NDRG2: variants seen among roughly 807,000 people sequenced by gnomAD.
The protein encoded by NDRG2 is protein NDRG2.
NDRG2 carries 34 observed loss-of-function variants against 58.2 expected under a neutral mutation model. That is an observed-to-expected ratio of 0.58 (90% confidence interval 0.44 to 0.78). NDRG2 has a LOEUF of 0.78. Among genes scored for constraint, NDRG2 ranks in the 30% least tolerant of loss-of-function variants. The pLI, the probability that NDRG2 is intolerant of heterozygous loss-of-function variation, is 0.00. For synonymous variants in NDRG2, 187 were observed against 175.9 expected, an observed-to-expected ratio of 1.06 and a Z score of -0.50; for missense variants, 434 against 471.2, an observed-to-expected ratio of 0.92 and a Z score of 0.73.
At chr14:21,035,667 A>C (rs1222908630) in intron 1 of NDRG2, 8 of 424,326 alleles carry the variant, frequency 1.9e-5, no homozygotes, top group South Asian at 1.2e-4. Context: ...GTAAGGCCGC[A>C]GAGAGAAAGA....
At chr14:21,062,424 T>C (rs1411790536) in intron 1 of NDRG2, among the ~76,000 whole-genome samples, 11 of 152,182 alleles carry the variant, frequency 7.2e-5, no homozygotes, top group Non-Finnish European at 1.3e-4. Flanking sequence ...AGCATTCTCC[T>C]CCCTCTGCAC....
chr14:21,062,485 T>C (rs528053947), intron 1 of NDRG2, among the ~76,000 whole-genome samples: 2 of 152,240 alleles, frequency 1.3e-5, no homozygotes, highest in South Asian at 4.2e-4. Context: ...GGGAGTATTA[T>C]ATCCTAGAAA....
intron 8 of NDRG2, chr14:21,020,293 CA>C (rs11325826): frequency 0.4 from 154,228 of 385,996 alleles, 9,555 homozygotes; most frequent in African/African-American, 0.48. Flanking sequence ...GACACCATCT[CA>C]AAAAAAAAAA....
chr14:21,054,983 G>T (rs75408695), intron 1 of NDRG2, among the ~76,000 whole-genome samples: 1 of 151,994 alleles, frequency 6.6e-6, no homozygotes, highest in East Asian at 1.9e-4. Context: ...TAAGCAATGC[G>T]GTGTATGTTA....
At chr14:21,063,783 A>C (rs980045819) in intron 1 of NDRG2, among the ~76,000 whole-genome samples, 3 of 152,214 alleles carry the variant, frequency 2.0e-5, no homozygotes, top group Non-Finnish European at 4.4e-5. Flanking sequence ...GGGGTAGGAA[A>C]ATGTACAGAT....
intron 1 of NDRG2, among the ~76,000 whole-genome samples, chr14:21,056,362 T>G (rs1296346799): frequency 6.6e-6 from 1 of 152,228 alleles, no homozygotes; most frequent in Non-Finnish European, 1.5e-5. Flanking sequence ...TCTTTTACAA[T>G]GAAACTGAGT....
At chr14:21,019,557 TCTC>T (rs1438257937) in intron 10 of NDRG2, 79 bp downstream of exon 10, 5 of 909,760 alleles carry the variant, frequency 5.5e-6, no homozygotes, top group African/African-American at 3.3e-5. Flanking sequence ...CAGACTTCCC[TCTC>T]CTCCTCTGTG....
intron 1 of NDRG2, among the ~76,000 whole-genome samples, chr14:21,054,916 T>C (rs566146639): frequency 5.2e-4 from 79 of 152,194 alleles, no homozygotes; most frequent in South Asian, 1.5e-3. Context: ...TAAATGATGC[T>C]TGGTAGCATC....
chr14:21,017,564 G>A lies in NDRG2; in HGVS notation c.*32C>T. The A allele has an allele frequency of 2.5e-6, 4 of 1,602,334 alleles. No individual in the cohort carries two copies. Among genetic ancestry groups the A allele is most frequent in the Non-Finnish European group, 3.4e-6 (4 of 1,174,060 alleles). On this transcript the variant is annotated 3_prime_UTR_variant, in exon 16 of 16. Coordinates refer to ENST00000556147, the MANE Select transcript of NDRG2 (RefSeq NM_001320329.2). ...CAGGTTAGCTCTGGGGGAGGTGAGGGCTGGGTCCCACTCTAGGGCAACAAG... is the reference window on the plus strand; with the variant it reads ...CAGGTTAGCTCTGGGGGAGGTGAGGACTGGGTCCCACTCTAGGGCAACAAG...
At chr14:21,033,567 C>G (rs562724615) in intron 1 of NDRG2, 1 of 540,524 alleles carries the variant, frequency 1.9e-6, no homozygotes, top group Non-Finnish European at 3.3e-6. Context: ...GTGGGTTTTA[C>G]TGTCTCTGGG....
intron 1 of NDRG2, chr14:21,032,890 G>T (rs1952525): frequency 0.35 from 156,696 of 452,496 alleles, 28,242 homozygotes; most frequent in East Asian, 0.53. Flanking sequence ...TACAGAGGGG[G>T]CTCGTGTGCC....
At chr14:21,028,635 G>A (rs1454479920), upstream of NDRG2, 3 of 152,094 alleles carry the variant, frequency 2.0e-5, no homozygotes, top group Non-Finnish European at 4.4e-5. Flanking sequence ...AGTATATCTT[G>A]AGCCACAGAA....
upstream of NDRG2, among the ~76,000 whole-genome samples, chr14:21,027,080 G>T (rs1883732625): frequency 6.6e-6 from 1 of 152,116 alleles, no homozygotes; most frequent in Non-Finnish European, 1.5e-5. Flanking sequence ...CCTGATAAGG[G>T]GCCTACGCAG....
intron 1 of NDRG2, among the ~76,000 whole-genome samples, chr14:21,066,749 T>C (rs2319624): frequency 0.84 from 127,695 of 152,238 alleles, 53,874 homozygotes; most frequent in African/African-American, 0.9. Context: ...ACAGGCAAGA[T>C]GCTGGTGGTA....
intron 14 of NDRG2, 31 bp downstream of exon 14, chr14:21,018,173 T>C (rs1468019335): frequency 6.2e-7 from 1 of 1,612,900 alleles, no homozygotes; most frequent in Non-Finnish European, 8.5e-7. Flanking sequence ...CTATGTCCCT[T>C]CCCCATCCCA....
At chr14:21,065,664 T>C (rs1002401854) in intron 1 of NDRG2, among the ~76,000 whole-genome samples, 1 of 152,196 alleles carries the variant, frequency 6.6e-6, no homozygotes, top group African/African-American at 2.4e-5. Context: ...CCTTTGAGAC[T>C]GTAACACTTT....
chr14:21,050,015 T>G (rs1885394396), intron 1 of NDRG2, among the ~76,000 whole-genome samples: 1 of 152,180 alleles, frequency 6.6e-6, no homozygotes, highest in Non-Finnish European at 1.5e-5. Context: ...GACCTCATGT[T>G]CTGCCTGCCT....
intron 1 of NDRG2, among the ~76,000 whole-genome samples, chr14:21,054,874 A>G (rs1005070736): frequency 6.6e-6 from 1 of 152,172 alleles, no homozygotes; most frequent in South Asian, 2.1e-4. Flanking sequence ...CCAAGAACCT[A>G]GAACTGTACC....
intron 1 of NDRG2, among the ~76,000 whole-genome samples, chr14:21,049,587 C>T (rs1355890151): frequency 1.3e-5 from 2 of 151,812 alleles, no homozygotes; most frequent in African/African-American, 4.8e-5. Context: ...CCAGTGTTCT[C>T]GGAGATCATC....
Sources: gnomAD v4.1 joint callset for allele counts (sites outside exome capture counted in the v4.1 genomes callset) on GRCh38, gnomAD v4.1.1 for gene constraint, MANE v1.5 for transcripts, NCBI Gene and HGNC (gene_info 2026-07-23, HGNC 2026-07-21) for gene names.